Variants in BAIAP2L1 observed in about 807,000 individuals in gnomAD.
BAIAP2L1 encodes BAR/IMD domain containing adaptor protein 2 like 1.
Under a neutral mutation model 66.3 loss-of-function variants are expected in BAIAP2L1, and 35 were observed. The ratio of observed to expected loss-of-function variants is 0.53; its 90% CI spans 0.40 to 0.70. The LOEUF (loss-of-function observed/expected upper bound fraction) is 0.70. Ranked by LOEUF, BAIAP2L1 falls within the 30% of genes least tolerant of loss-of-function variation. The pLI, the probability that BAIAP2L1 is intolerant of heterozygous loss-of-function variation, is 0.00. For synonymous variants in BAIAP2L1, 269 were observed against 248.7 expected (o/e 1.08, Z -0.77); for missense variants, 622 against 656.9 (o/e 0.95, Z 0.58).
chr7:98,294,995 C>T (rs1279027404), intron 12 of BAIAP2L1, among the ~76,000 whole-genome samples: 5 of 152,200 alleles, frequency 3.3e-5, no homozygotes, highest in Admixed American at 6.5e-5. Flanking sequence ...GTCAGGCAGC[C>T]GCCCAGGAGA....
chr7:98,320,590 C>T (rs1481990353), intron 3 of BAIAP2L1, among the ~76,000 whole-genome samples: 2 of 152,184 alleles, frequency 1.3e-5, no homozygotes, highest in East Asian at 3.8e-4. Context: ...CTGCCTTGGC[C>T]TCTCAAAGTT....
At position 98,385,118 on chromosome 7, in the gene BAIAP2L1, G is replaced by A. The variant is rs187121743; in HGVS notation, c.51+15684C>T. 5.9e-5 allele frequency among the ~76,000 whole-genome samples: 9 copies of A among 152,056 alleles called. No homozygotes were observed. In the South Asian group the frequency reaches 6.2e-4, roughly 11 times the overall value. On this transcript the variant is annotated intron_variant, in intron 1 of 13. Coordinates refer to ENST00000005260, the MANE Select transcript of BAIAP2L1 (RefSeq NM_018842.5). Reference sequence around the variant, plus strand: ...AGGCCAGGAATTCAAGACCAGCCTGGCCAACATGGTGAAACCCCATCTCTA... The same window carrying A: ...AGGCCAGGAATTCAAGACCAGCCTGACCAACATGGTGAAACCCCATCTCTA...
At chr7:98,327,749 C>A (rs1220450897) in intron 3 of BAIAP2L1, among the ~76,000 whole-genome samples, 1 of 152,060 alleles carries the variant, frequency 6.6e-6, no homozygotes, top group Admixed American at 6.6e-5. Context: ...TGGGTTCGTG[C>A]CTGTGCCAAT....
intron 1 of BAIAP2L1, among the ~76,000 whole-genome samples, chr7:98,379,002 T>C (rs1357528725): frequency 6.6e-6 from 1 of 152,040 alleles, no homozygotes. Context: ...GCTAATTTTT[T>C]GTATTTTTAG....
intron 1 of BAIAP2L1, among the ~76,000 whole-genome samples, chr7:98,373,457 T>C (rs1371746242): frequency 1.3e-5 from 2 of 152,192 alleles, no homozygotes; most frequent in African/African-American, 4.8e-5. Flanking sequence ...CTGTAACTTA[T>C]AAGATGCCAT....
intron 1 of BAIAP2L1, among the ~76,000 whole-genome samples, chr7:98,369,938 C>G (rs576474276): frequency 7.8e-4 from 118 of 152,182 alleles, no homozygotes; most frequent in African/African-American, 2.5e-3. Context: ...TCCCAAAGTG[C>G]TGGGATTACA....
At chr7:98,374,320 C>A (rs984656763) in intron 1 of BAIAP2L1, among the ~76,000 whole-genome samples, 5 of 152,134 alleles carry the variant, frequency 3.3e-5, no homozygotes, top group African/African-American at 1.2e-4. Flanking sequence ...TACTATGAAT[C>A]CGGCTCTATG....
At chr7:98,304,666 G>T (rs1433271864) in intron 11 of BAIAP2L1, among the ~76,000 whole-genome samples, 1 of 152,050 alleles carries the variant, frequency 6.6e-6, no homozygotes, top group Non-Finnish European at 1.5e-5. Flanking sequence ...TTCTGCTTCA[G>T]CCTCCTGAGT....
intron 1 of BAIAP2L1, among the ~76,000 whole-genome samples, chr7:98,367,374 C>T (rs1175975396): frequency 9.9e-5 from 15 of 151,520 alleles, no homozygotes; most frequent in Admixed American, 8.5e-4. Flanking sequence ...TTCATCATTT[C>T]TTTTTTCTTT....
intron 3 of BAIAP2L1, among the ~76,000 whole-genome samples, chr7:98,332,809 CAAAAAAAAA>C (rs55756451): frequency 1.2e-5 from 1 of 83,706 alleles, no homozygotes; most frequent in African/African-American, 4.8e-5. Flanking sequence ...ACTTCGTCCC[CAAAAAAAAA>C]AAAAAAAAAA....
intron 13 of BAIAP2L1, 86 bp downstream of exon 13, chr7:98,293,988 G>A: frequency 1.4e-6 from 2 of 1,459,626 alleles, no homozygotes; most frequent in Non-Finnish European, 1.9e-6. Flanking sequence ...TGGACCCCCT[G>A]GGCTGGGCAC....
At chr7:98,305,288 A>G (rs1800611301) in intron 11 of BAIAP2L1, among the ~76,000 whole-genome samples, 1 of 151,462 alleles carries the variant, frequency 6.6e-6, no homozygotes, top group Non-Finnish European at 1.5e-5. Flanking sequence ...ATTGGAGACT[A>G]GCAAAAGCTG....
intron 1 of BAIAP2L1, among the ~76,000 whole-genome samples, chr7:98,384,873 A>G (rs148411535): frequency 0.022 from 3,284 of 151,916 alleles, 53 homozygotes; most frequent in South Asian, 0.036. Context: ...TAATGTTTGT[A>G]TTTTTAGTAA....
chr7:98,312,729 C>G (rs992813108), intron 7 of BAIAP2L1, among the ~76,000 whole-genome samples: 2 of 140,794 alleles, frequency 1.4e-5, no homozygotes, highest in Non-Finnish European at 3.1e-5. Context: ...CAGACACTGT[C>G]CTGAGAGTCT....
intron 1 of BAIAP2L1, among the ~76,000 whole-genome samples, chr7:98,371,233 A>G (rs555051260): frequency 2.0e-5 from 3 of 152,340 alleles, no homozygotes; most frequent in South Asian, 2.1e-4. Context: ...AGCTTAGTCT[A>G]TATCTCTATC....
intron 9 of BAIAP2L1, 94 bp downstream of exon 9, chr7:98,310,351 C>A (rs1800821394): frequency 1.4e-6 from 2 of 1,408,656 alleles, no homozygotes; most frequent in Admixed American, 2.5e-5. Context: ...TACCTCCAAA[C>A]CTTGCAATAC....
chr7:98,368,975 G>A (rs1030136536), intron 1 of BAIAP2L1, among the ~76,000 whole-genome samples: 2 of 151,626 alleles, frequency 1.3e-5, no homozygotes, highest in South Asian at 4.2e-4. Flanking sequence ...GTATCTCTAG[G>A]ATAACCTGGG....
chr7:98,292,814 G>C lies in BAIAP2L1; in HGVS notation c.*707C>G. The stretch of plus-strand genomic sequence containing the variant: ...CTCCGACGCCCAGGCCTGTGTCCTG[G>C]ATGGGCCGTGTGCAGCGAATCCGTT... On this transcript the variant is annotated 3_prime_UTR_variant, in exon 14 of 14. Coordinates refer to ENST00000005260, the MANE Select transcript of BAIAP2L1 (RefSeq NM_018842.5). 1 of 1,509,618 alleles carries C rather than the reference G, an allele frequency of 6.6e-7. No individual in the cohort carries two copies. The highest frequency in any genetic ancestry group is 2.2e-5 in the Admixed American group (1 of 44,902). The allele number at this position is 1,509,618 out of a possible 1,614,324, so 93.5% of individuals were successfully genotyped here.
chr7:98,354,710 C>T (rs1164394889), intron 3 of BAIAP2L1, among the ~76,000 whole-genome samples: 1 of 152,212 alleles, frequency 6.6e-6, no homozygotes, highest in Non-Finnish European at 1.5e-5. Flanking sequence ...ACTCTGGCCA[C>T]AGCCCGAGGC....
Sources: gnomAD v4.1 joint callset for allele counts (sites outside exome capture counted in the v4.1 genomes callset) on GRCh38, gnomAD v4.1.1 for gene constraint, MANE v1.5 for transcripts, NCBI Gene and HGNC (gene_info 2026-07-23, HGNC 2026-07-21) for gene names.